Variants in DLGAP2 observed in about 807,000 individuals in gnomAD.
DLGAP2 encodes disks large-associated protein 2.
In DLGAP2, 26 loss-of-function variants were observed where a neutral mutation model predicts 100.3. That is an observed-to-expected ratio of 0.26 (90% CI 0.19 to 0.36). DLGAP2 has a LOEUF of 0.36. Ranked by LOEUF, DLGAP2 falls within the 10% of genes least tolerant of loss-of-function variation. DLGAP2 has a pLI of 1.00. For missense variants in DLGAP2, 1,858 were observed against 1,453.2 expected (o/e 1.28, Z -4.53); for synonymous variants, 886 against 630.1 (o/e 1.41, Z -6.08).
chr8:1,091,689 G>T (rs1389514843), intron 2 of DLGAP2, among the ~76,000 whole-genome samples: 1 of 152,160 alleles, frequency 6.6e-6, no homozygotes, highest in Non-Finnish European at 1.5e-5. Flanking sequence ...AGTTGGTGAA[G>T]CAGTTCTTGT....
At chr8:1,673,340 A>T (rs954108269) in intron 10 of DLGAP2, among the ~76,000 whole-genome samples, 3 of 151,990 alleles carry the variant, frequency 2.0e-5, no homozygotes, top group African/African-American at 7.2e-5. Flanking sequence ...AAAATAATTT[A>T]TTTTCTTTGT....
At chr8:1,510,352 G>C (rs1376668644) in intron 4 of DLGAP2, among the ~76,000 whole-genome samples, 1 of 152,220 alleles carries the variant, frequency 6.6e-6, no homozygotes, top group Non-Finnish European at 1.5e-5. Context: ...CGTTGCCCCA[G>C]ATGTCAGGCT....
intron 2 of DLGAP2, among the ~76,000 whole-genome samples, chr8:1,211,041 C>G (rs765123134): frequency 7.2e-5 from 11 of 152,358 alleles, no homozygotes; most frequent in African/African-American, 2.6e-4. Context: ...CTGGCAGGCT[C>G]GGCTCTTCCG....
intron 2 of DLGAP2, among the ~76,000 whole-genome samples, chr8:1,040,042 G>T (rs34661642): frequency 7.0e-6 from 1 of 142,742 alleles, no homozygotes. Flanking sequence ...CGGTGTGCAT[G>T]GTCGGCTCGG....
intron 2 of DLGAP2, among the ~76,000 whole-genome samples, chr8:1,164,130 T>C (rs1796950760): frequency 9.2e-6 from 1 of 109,252 alleles, no homozygotes; most frequent in Non-Finnish European, 2.0e-5. Flanking sequence ...GGCCCGTCAT[T>C]TTGGTTTGTG....
At position 1,666,760 on chromosome 8, in the gene DLGAP2, G is replaced by C. The variant is rs755625117; in HGVS notation, c.1811-1569G>C. On this transcript the variant is annotated intron_variant, in intron 8 of 14. Coordinates refer to ENST00000637795, the MANE Select transcript of DLGAP2 (RefSeq NM_001346810.2). ...AAGCACAGGTCATCCTGAATGGCAG[G>C]CTTGTTTTGTCGTTTGTCCTTGTTA... Among the ~76,000 whole-genome samples the C allele has an allele frequency of 4.6e-5, 7 of 152,140 alleles. No homozygotes were observed. In the South Asian group the frequency reaches 8.3e-4, roughly 18 times the overall value.
At chr8:928,705 G>C (rs1292508712) in intron 2 of DLGAP2, among the ~76,000 whole-genome samples, 2 of 152,126 alleles carry the variant, frequency 1.3e-5, no homozygotes, top group Non-Finnish European at 2.9e-5. Context: ...CAGGCGCAAG[G>C]TGTCCACATG....
At chr8:1,126,688 A>G (rs145499920) in intron 2 of DLGAP2, among the ~76,000 whole-genome samples, 8 of 152,246 alleles carry the variant, frequency 5.3e-5, no homozygotes, top group African/African-American at 1.9e-4. Flanking sequence ...GCTTTGATTA[A>G]GAGTCTCAGG....
intron 6 of DLGAP2, among the ~76,000 whole-genome samples, chr8:1,588,974 C>G (rs1455088464): frequency 2.0e-5 from 3 of 152,106 alleles, no homozygotes; most frequent in Non-Finnish European, 2.9e-5. Context: ...GAGCATTAAT[C>G]TCTTGTAAAA....
chr8:836,074 C>T (rs934429589), intron 1 of DLGAP2, among the ~76,000 whole-genome samples: 1 of 152,224 alleles, frequency 6.6e-6, no homozygotes, highest in East Asian at 1.9e-4. Flanking sequence ...AGGACACCCG[C>T]AGCCATGGAG....
At chr8:1,572,404 G>T (rs559811504) in intron 6 of DLGAP2, among the ~76,000 whole-genome samples, 5 of 130,520 alleles carry the variant, frequency 3.8e-5, no homozygotes, top group African/African-American at 1.2e-4. Context: ...GAGGAGAGAG[G>T]GGTGAACTGT....
intron 1 of DLGAP2, among the ~76,000 whole-genome samples, chr8:774,422 C>G (rs1383556013): frequency 1.3e-5 from 2 of 152,170 alleles, no homozygotes; most frequent in African/African-American, 4.8e-5. Context: ...AAGTCCTTGC[C>G]TATGCCTATG....
At position 1,062,783 on chromosome 8, in the gene DLGAP2, A is replaced by G. The variant is rs187570116; in HGVS notation, c.73+154817A>G. ...TAATCCAGGGAGCATCTTAATTGCC[A>G]GGAGGCTTTGGGGGAAAAGCTCTTG... On this transcript the variant is annotated intron_variant, in intron 2 of 14. Coordinates refer to ENST00000637795, the MANE Select transcript of DLGAP2 (RefSeq NM_001346810.2). Among the ~76,000 whole-genome samples the G allele has an allele frequency of 8.2e-4, 125 of 152,312 alleles. 1 individual carries two copies. Among genetic ancestry groups the G allele is most frequent in the African/African-American group, 2.9e-3 (119 of 41,576 alleles).
intron 3 of DLGAP2, chr8:1,262,308 A>G (rs2116912454): frequency 6.6e-6 from 1 of 152,340 alleles, no homozygotes; most frequent in African/African-American, 2.4e-5. Context: ...CAAATTACTT[A>G]CATGTTCTGT....
intron 1 of DLGAP2, among the ~76,000 whole-genome samples, chr8:744,598 ACTCC>A (rs1820569486): frequency 1.6e-5 from 2 of 128,856 alleles, no homozygotes; most frequent in African/African-American, 3.0e-5. Context: ...CCCCACGGTC[ACTCC>A]CTGCCTCTTC....
At chr8:1,306,270 A>C (rs1483586311) in intron 3 of DLGAP2, among the ~76,000 whole-genome samples, 1 of 152,134 alleles carries the variant, frequency 6.6e-6, no homozygotes, top group African/African-American at 2.4e-5. Flanking sequence ...AACACACAAA[A>C]ATCACTAGTG....
intron 2 of DLGAP2, among the ~76,000 whole-genome samples, chr8:1,180,741 C>G (rs61145151): frequency 0.13 from 17,619 of 140,448 alleles, 2,001 homozygotes; most frequent in African/African-American, 0.31. Flanking sequence ...ACCATTGAGT[C>G]TGTGTGGGTG....
intron 3 of DLGAP2, among the ~76,000 whole-genome samples, chr8:1,382,748 G>A (rs1213959690): frequency 6.6e-6 from 1 of 151,896 alleles, no homozygotes; most frequent in Non-Finnish European, 1.5e-5. Flanking sequence ...TCTCAAAGGG[G>A]AAAAAAACAA....
chr8:1,229,445 A>G (rs950502926), intron 2 of DLGAP2, among the ~76,000 whole-genome samples: 16 of 152,140 alleles, frequency 1.1e-4, no homozygotes, highest in Admixed American at 5.9e-4. Flanking sequence ...TGCTGATTCA[A>G]TCTGGCAAGA....
Sources: allele counts gnomAD v4.1 joint callset (sites outside exome capture counted in the v4.1 genomes callset), GRCh38; gene constraint gnomAD v4.1.1; transcripts MANE v1.5; gene names NCBI Gene and HGNC (gene_info 2026-07-23, HGNC 2026-07-21).